RBFOX1: variants seen among roughly 807,000 people sequenced by gnomAD.
RBFOX1 encodes RNA binding fox-1 homolog 1.
Under a neutral mutation model 57.7 loss-of-function variants are expected in RBFOX1, and 8 were observed. The observed-to-expected ratio is 0.14, with a 90% confidence interval of 0.08 to 0.25. RBFOX1 has a LOEUF of 0.25. Ranked by LOEUF, RBFOX1 falls within the 10% of genes least tolerant of loss-of-function variation. The probability of loss-of-function intolerance (pLI) is 1.00; values close to 1 mark genes in which losing one functional copy is unlikely to be tolerated. For synonymous variants in RBFOX1, 326 were observed against 222.4 expected (o/e 1.47, Z -4.15); for missense variants, 611 against 548.5 (o/e 1.11, Z -1.14).
chr16:6,475,003 A>C (rs1297045841), intron 2 of RBFOX1, among the ~76,000 whole-genome samples: 1 of 152,224 alleles, frequency 6.6e-6, no homozygotes, highest in Non-Finnish European at 1.5e-5. Context: ...TGTTCATGAT[A>C]CATTGCAAAG....
intron 3 of RBFOX1, among the ~76,000 whole-genome samples, chr16:5,854,679 T>C (rs542841878): frequency 6.6e-6 from 1 of 152,104 alleles, no homozygotes; most frequent in Non-Finnish European, 1.5e-5. Context: ...CTGTAGTGAG[T>C]AATGCTGCAG....
At chr16:6,941,294 CCCTCCCT>C (rs2078432319) in intron 3 of RBFOX1, among the ~76,000 whole-genome samples, 1 of 80,626 alleles carries the variant, frequency 1.2e-5, no homozygotes, top group African/African-American at 5.6e-5. Context: ...CTCCTTCCCT[CCCTCCCT>C]CCTTCCTTCC....
chr16:6,669,004 G>A (rs2098748699), intron 3 of RBFOX1, among the ~76,000 whole-genome samples: 1 of 152,124 alleles, frequency 6.6e-6, no homozygotes, highest in Non-Finnish European at 1.5e-5. Flanking sequence ...TCTTCAGTTG[G>A]TGGGTTTTAT....
chr16:7,157,873 C>A (rs1371735694), intron 4 of RBFOX1, among the ~76,000 whole-genome samples: 1 of 152,186 alleles, frequency 6.6e-6, no homozygotes, highest in Non-Finnish European at 1.5e-5. Flanking sequence ...TATATTTCAG[C>A]TTCTCTGTTC....
chr16:7,642,945 G>A (rs1038137400), intron 11 of RBFOX1, among the ~76,000 whole-genome samples: 13 of 152,306 alleles, frequency 8.5e-5, no homozygotes, highest in Admixed American at 2.0e-4. Flanking sequence ...GGGGGAAATT[G>A]TCGATACCTG....
intron 3 of RBFOX1, among the ~76,000 whole-genome samples, chr16:6,860,046 C>G (rs913639112): frequency 1.3e-5 from 2 of 152,140 alleles, no homozygotes; most frequent in Non-Finnish European, 2.9e-5. Flanking sequence ...ATGGAACGAG[C>G]TATAATACCG....
chr16:5,433,738 C>T (rs1459802936), intron 1 of RBFOX1, among the ~76,000 whole-genome samples: 1 of 152,204 alleles, frequency 6.6e-6, no homozygotes, highest in African/African-American at 2.4e-5. Context: ...CCTCCCCTCC[C>T]TGCTCCATGG....
intron 3 of RBFOX1, among the ~76,000 whole-genome samples, chr16:5,793,852 G>A (rs552776158): frequency 9.8e-5 from 15 of 152,314 alleles, no homozygotes; most frequent in African/African-American, 3.6e-4. Flanking sequence ...ACTCACAAAT[G>A]TACTGGGAGA....
chr16:6,799,473 A>G (rs1426315169), intron 3 of RBFOX1, among the ~76,000 whole-genome samples: 2 of 152,116 alleles, frequency 1.3e-5, no homozygotes, highest in African/African-American at 4.8e-5. Flanking sequence ...ATGATGGTTA[A>G]TATTAGGTGT....
At chr16:6,054,044 GT>G (rs2095584784) in intron 1 of RBFOX1, among the ~76,000 whole-genome samples, 1 of 151,952 alleles carries the variant, frequency 6.6e-6, no homozygotes, top group African/African-American at 2.4e-5. Context: ...ATGAGACCCT[GT>G]TTCAAAAAAG....
At chr16:7,333,556 A>T (rs2096730917) in intron 4 of RBFOX1, among the ~76,000 whole-genome samples, 1 of 152,134 alleles carries the variant, frequency 6.6e-6, no homozygotes, top group African/African-American at 2.4e-5. Flanking sequence ...GGCTCTCCCC[A>T]CCTGAATTTG....
intron 1 of RBFOX1, among the ~76,000 whole-genome samples, chr16:6,283,951 G>A (rs1300459112): frequency 6.6e-6 from 1 of 152,188 alleles, no homozygotes; most frequent in Non-Finnish European, 1.5e-5. Context: ...GGTTTTCCAA[G>A]TACAGGAGTG....
At chr16:5,765,975 G>T (rs912303179) in intron 3 of RBFOX1, among the ~76,000 whole-genome samples, 7 of 152,162 alleles carry the variant, frequency 4.6e-5, no homozygotes, top group Non-Finnish European at 8.8e-5. Flanking sequence ...TTGTCTCTGG[G>T]GTGCTCAGGT....
chr16:5,472,899 G>C (rs1451110569), intron 2 of RBFOX1, among the ~76,000 whole-genome samples: 1 of 152,202 alleles, frequency 6.6e-6, no homozygotes, highest in Non-Finnish European at 1.5e-5. Flanking sequence ...TGTCGTAGGG[G>C]ATCCAGCAGA....
At chr16:7,131,188 T>C (rs1313328251) in intron 4 of RBFOX1, among the ~76,000 whole-genome samples, 1 of 151,720 alleles carries the variant, frequency 6.6e-6, no homozygotes, top group Non-Finnish European at 1.5e-5. Flanking sequence ...CTACTAAAAA[T>C]ACAAAAAGTT....
chr16:6,980,257 G>T (rs2088364608), intron 3 of RBFOX1, among the ~76,000 whole-genome samples: 1 of 152,156 alleles, frequency 6.6e-6, no homozygotes, highest in South Asian at 2.1e-4. Context: ...ATACAAATGT[G>T]CTGTGTCAGG....
chr16:5,739,453 AAGG>A (rs1291011131), intron 3 of RBFOX1, among the ~76,000 whole-genome samples: 1 of 152,238 alleles, frequency 6.6e-6, no homozygotes, highest in African/African-American at 2.4e-5. Flanking sequence ...AGTAAGTTAT[AAGG>A]AGTATTGGAA....
At chr16:6,878,157 A>G (rs189834930) in intron 3 of RBFOX1, among the ~76,000 whole-genome samples, 10 of 152,280 alleles carry the variant, frequency 6.6e-5, no homozygotes, top group Admixed American at 1.3e-4. Flanking sequence ...TGTTGCTACA[A>G]TGTAAATACT....
intron 2 of RBFOX1, among the ~76,000 whole-genome samples, chr16:6,392,758 T>A (rs2092662364): frequency 6.6e-6 from 1 of 152,340 alleles, no homozygotes; most frequent in East Asian, 1.9e-4. Flanking sequence ...ATTCCCTCCT[T>A]CCTTTGCAGG....
Sources: allele counts gnomAD v4.1 joint callset (sites outside exome capture counted in the v4.1 genomes callset), GRCh38; gene constraint gnomAD v4.1.1; transcripts MANE v1.5; gene names NCBI Gene and HGNC (gene_info 2026-07-23, HGNC 2026-07-21).